PTPRN2: variants seen among roughly 807,000 people sequenced by gnomAD.
PTPRN2 encodes the protein protein tyrosine phosphatase receptor type N2.
PTPRN2 carries 74 observed loss-of-function variants against 118.8 expected under a neutral mutation model. That is an observed-to-expected ratio of 0.62 (90% CI 0.52 to 0.76). The LOEUF is 0.76. Ranked by LOEUF, PTPRN2 falls within the 30% of genes least tolerant of loss-of-function variation. PTPRN2 has a pLI of 0.00. For missense variants in PTPRN2, 1,481 were observed against 1,394.4 expected, an observed-to-expected ratio of 1.06 and a Z score of -0.99; for synonymous variants, 641 against 608.0, an observed-to-expected ratio of 1.05 and a Z score of -0.80.
chr7:158,045,733 G>A (rs1348318747), intron 11 of PTPRN2, among the ~76,000 whole-genome samples: 1 of 150,506 alleles, frequency 6.6e-6, no homozygotes, highest in Non-Finnish European at 1.5e-5. Context: ...GCCTTGTTCT[G>A]TCCAGGAGCA....
chr7:158,057,616 C>T (rs1365357007), intron 11 of PTPRN2, among the ~76,000 whole-genome samples: 2 of 152,204 alleles, frequency 1.3e-5, no homozygotes, highest in African/African-American at 4.8e-5. Flanking sequence ...CTGCCCTCCC[C>T]TCCTGAGCAA....
chr7:157,683,893 C>A (rs1478307931), intron 12 of PTPRN2, among the ~76,000 whole-genome samples: 1 of 152,116 alleles, frequency 6.6e-6, no homozygotes, highest in Admixed American at 6.5e-5. Flanking sequence ...CGGCCTTGGT[C>A]CTGGCTGCTA....
At position 157,779,353 on chromosome 7, in the gene PTPRN2, G is replaced by A. The variant is rs1481401859; in HGVS notation, c.1789-96416C>T. Among the ~76,000 whole-genome samples, 1 of 152,198 alleles carries A rather than the reference G, an allele frequency of 6.6e-6. No individual in the cohort carries two copies. The highest frequency in any genetic ancestry group is 1.5e-5 in the Non-Finnish European group (1 of 68,042). On this transcript the variant is annotated intron_variant, in intron 12 of 22. Coordinates refer to ENST00000389418, the MANE Select transcript of PTPRN2 (RefSeq NM_002847.5). The surrounding 1 kb of genome is among the most constrained non-coding windows in gnomAD (Gnocchi z 4.7). ...GTGAAAGGTCACGTGCTGGTCGCTT[G>A]TGCTGAGCAAGGCCTTGCTTCTCAT...
chr7:158,214,063 G>A (rs1369615230), intron 3 of PTPRN2, among the ~76,000 whole-genome samples: 1 of 151,996 alleles, frequency 6.6e-6, no homozygotes, highest in Admixed American at 6.6e-5. Flanking sequence ...CTTCCCGGAA[G>A]TCAGAAGAAA....
chr7:158,133,802 C>A lies in PTPRN2; in HGVS notation c.1431G>T (p.Met477Ile), dbSNP rs142437536. ...AAAFGELQNQ[M>I]PGPSKEEQSL... is the part of the protein sequence containing the mutation. ...TCTGCTCCTCCTTCGAGGGCCCAGG[C>A]ATCTGGTTTTGGAGCTCCCCAAACG... Residue 477 changes from methionine (M) to isoleucine (I), a missense_variant, in exon 9 of 23, where the codon ATG becomes ATT. Transcript: ENST00000389418. The A allele has an allele frequency of 2.5e-4, 409 of 1,613,990 alleles. 1 individual carries two copies. The African/African-American group carries it at 4.3e-3, about 17-fold the overall frequency.
At chr7:157,966,523 C>T (rs1801942753) in intron 11 of PTPRN2, among the ~76,000 whole-genome samples, 1 of 151,928 alleles carries the variant, frequency 6.6e-6, no homozygotes, top group African/African-American at 2.4e-5. Flanking sequence ...TCTTCATCAC[C>T]ACCATCATCT....
At chr7:158,487,199 C>T (rs796896525) in intron 2 of PTPRN2, among the ~76,000 whole-genome samples, 67 of 152,344 alleles carry the variant, frequency 4.4e-4, no homozygotes, top group African/African-American at 1.5e-3. Flanking sequence ...GGGCTGCTTT[C>T]GCCTTTGGCT....
Position 158,339,302 on chromosome 7 carries a change from A to T in PTPRN2, c.164-22370T>A, listed in dbSNP as rs2151212585. The stretch of plus-strand genomic sequence containing the variant: ...TCTCACCATAAGAGCTGACACCTGC[A>T]TACGTCACTCACACCCACACTCTCA... On this transcript the variant is annotated intron_variant, in intron 2 of 22. Coordinates refer to ENST00000389418, the MANE Select transcript of PTPRN2 (RefSeq NM_002847.5). 2.3e-4 allele frequency among the ~76,000 whole-genome samples: 2 copies of T among 8,724 alleles called. 1 individual carries two copies. The highest frequency in any genetic ancestry group is 4.6e-4 in the Non-Finnish European group (2 of 4,360). 5.7% of individuals were successfully genotyped at this position (8,724 alleles called of 152,430 possible). A position where few individuals can be genotyped will look rare whatever the true frequency, so the allele number is the denominator to read the frequency against.
intron 12 of PTPRN2, among the ~76,000 whole-genome samples, chr7:157,713,257 C>T (rs1798740408): frequency 6.6e-6 from 1 of 152,160 alleles, no homozygotes; most frequent in Non-Finnish European, 1.5e-5. Context: ...AAAGTTTACT[C>T]AACCCAATGA....
chr7:157,946,524 T>G (rs1800500223), intron 11 of PTPRN2, among the ~76,000 whole-genome samples: 1 of 152,190 alleles, frequency 6.6e-6, no homozygotes, highest in South Asian at 2.1e-4. Flanking sequence ...GCAGCCCAGA[T>G]GTGAAGGCCC....
chr7:158,306,315 C>T (rs1169190046), intron 3 of PTPRN2, among the ~76,000 whole-genome samples: 1 of 152,212 alleles, frequency 6.6e-6, no homozygotes, highest in Admixed American at 6.5e-5. Flanking sequence ...ACATGGAGGG[C>T]TGTGTGCCTG....
At chr7:158,383,322 A>G (rs1811103834) in intron 2 of PTPRN2, among the ~76,000 whole-genome samples, 1 of 152,252 alleles carries the variant, frequency 6.6e-6, no homozygotes, top group Non-Finnish European at 1.5e-5. Flanking sequence ...TCTATTTGAT[A>G]TAATCCACAG....
At chr7:158,002,720 G>A (rs76435240) in intron 11 of PTPRN2, among the ~76,000 whole-genome samples, 630 of 152,324 alleles carry the variant, frequency 4.1e-3, no homozygotes, top group African/African-American at 0.014. Flanking sequence ...ATCTGAGGAC[G>A]TTTCGGGCAG....
intron 3 of PTPRN2, among the ~76,000 whole-genome samples, chr7:158,301,333 T>C (rs919639773): frequency 2.6e-5 from 4 of 152,242 alleles, no homozygotes; most frequent in Admixed American, 2.0e-4. Flanking sequence ...CACACTCCCC[T>C]CCTCCCTGTT....
chr7:158,274,319 C>A (rs4909167), intron 3 of PTPRN2, among the ~76,000 whole-genome samples: 12 of 117,392 alleles, frequency 1.0e-4, no homozygotes, highest in Admixed American at 8.6e-5. Context: ...GGAGCCGCAG[C>A]CACAGGGGGA....
intron 11 of PTPRN2, among the ~76,000 whole-genome samples, chr7:158,011,295 A>C (rs1171715478): frequency 6.6e-6 from 1 of 152,238 alleles, no homozygotes; most frequent in Non-Finnish European, 1.5e-5. Context: ...GCCAGAGTCT[A>C]TGTCTCCCGG....
intron 15 of PTPRN2, chr7:157,614,165 G>T (rs954799860): frequency 4.3e-6 from 2 of 461,784 alleles, no homozygotes; most frequent in African/African-American, 4.0e-5. Flanking sequence ...GGGAGGACAG[G>T]GGAGGGCCAG....
rs912831251 is a variant in PTPRN2 at position 157,590,717 on chromosome 7, G to A, written c.2496+4521C>T. Among the ~76,000 whole-genome samples, 9 of 152,098 alleles carry A rather than the reference G, an allele frequency of 5.9e-5. No individual in the cohort carries two copies. Among genetic ancestry groups the A allele is most frequent in the Admixed American group, 2.6e-4 (4 of 15,276 alleles). The stretch of plus-strand genomic sequence containing the variant: ...AGGCTGGTGAGCATGGAGTGACCTC[G>A]ATGCCCCATGCTCACCGAGGGGACT... On this transcript the variant is annotated intron_variant, in intron 17 of 22. Transcript: ENST00000389418. This position sits in a 1 kb window ranked among gnomAD's most constrained non-coding sequence, Gnocchi z 4.0.
intron 3 of PTPRN2, among the ~76,000 whole-genome samples, chr7:158,270,788 T>TCCACCTGGGCCGCCCC (rs1798305584): frequency 6.7e-5 from 1 of 14,862 alleles, no homozygotes; most frequent in Non-Finnish European, 1.2e-4. Context: ...GGACCACCCC[T>TCCACCTGGGCCGCCCC]CCACCTGGAC....
Sources: gnomAD v4.1 joint callset for allele counts (sites outside exome capture counted in the v4.1 genomes callset) on GRCh38, gnomAD v4.1.1 for gene constraint, Gnocchi (gnomAD v3.1) non-coding constraint, MANE v1.5 for transcripts, NCBI Gene and HGNC (gene_info 2026-07-23, HGNC 2026-07-21) for gene names.